The following SFT2D1 variants were observed in gnomAD, a reference collection of about 807,000 sequenced individuals.
SFT2D1 encodes the protein SFT2 domain containing 1, also known as vesicle transport protein SFT2A.
A neutral mutation model predicts 28.1 loss-of-function variants in SFT2D1; 24 were observed. That is an observed-to-expected ratio of 0.85 (90% CI 0.62 to 1.20). SFT2D1 has a LOEUF of 1.20. Among genes scored for constraint, SFT2D1 ranks in the 50% most tolerant of loss-of-function variants. The pLI is 0.00. For missense variants in SFT2D1, 181 were observed against 190.9 expected, an observed-to-expected ratio of 0.95 and a Z score of 0.31; for synonymous variants, 82 against 73.7, an observed-to-expected ratio of 1.11 and a Z score of -0.58.
intron 5 of SFT2D1, 195 bp from the exon 6 acceptor site, chr6:166,324,790 A>G (rs1298356808): frequency 7.1e-6 from 4 of 562,190 alleles, no homozygotes; most frequent in Non-Finnish European, 1.2e-5. Context: ...TTCTAAAACT[A>G]TATCCATTAA....
At chr6:166,323,162 G>A (rs1264631994) in intron 6 of SFT2D1, 2 of 333,534 alleles carry the variant, frequency 6.0e-6, no homozygotes, top group Non-Finnish European at 1.1e-5. Context: ...GCATGCTAAA[G>A]TTTGAGCTTC....
At chr6:166,333,001 A>G (rs1001275703) in intron 1 of SFT2D1, among the ~76,000 whole-genome samples, 1 of 152,232 alleles carries the variant, frequency 6.6e-6, no homozygotes, top group Non-Finnish European at 1.5e-5. Context: ...GCACAGCTGG[A>G]AGGACCTGAG....
At chr6:166,337,156 G>A (rs1411184151) in intron 1 of SFT2D1, among the ~76,000 whole-genome samples, 6 of 152,120 alleles carry the variant, frequency 3.9e-5, no homozygotes, top group Admixed American at 3.3e-4. Context: ...CAGGCCCTTC[G>A]GCCCACCACA....
At chr6:166,342,248 A>C (rs997183186) in intron 1 of SFT2D1, among the ~76,000 whole-genome samples, 171 bp downstream of exon 1, 2 of 152,022 alleles carry the variant, frequency 1.3e-5, no homozygotes, top group African/African-American at 4.8e-5. Context: ...GGAAAACTGG[A>C]AAGTTCTCAA....
intron 1 of SFT2D1, among the ~76,000 whole-genome samples, chr6:166,341,626 A>G (rs922186141): frequency 6.6e-6 from 1 of 152,154 alleles, no homozygotes; most frequent in African/African-American, 2.4e-5. Context: ...GGAGAGACAA[A>G]TAGAAGATCC....
intron 1 of SFT2D1, among the ~76,000 whole-genome samples, chr6:166,330,923 C>T (rs1182544885): frequency 1.3e-5 from 2 of 152,228 alleles, no homozygotes; most frequent in Admixed American, 6.5e-5. Flanking sequence ...AGACGGTACC[C>T]GTTCTAAGCT....
intron 5 of SFT2D1, 113 bp from the exon 6 acceptor site, chr6:166,324,708 T>C: frequency 1.0e-6 from 1 of 961,990 alleles, no homozygotes; most frequent in South Asian, 1.9e-5. Flanking sequence ...CATTTATCTT[T>C]ATTAAATTTT....
rs1329124773 is a variant in SFT2D1, at chr6:166,324,581, T to A, written c.366A>T (p.Gly122=). 2 of 1,612,732 alleles carry A rather than the reference T, an allele frequency of 1.2e-6. No individual in the cohort carries two copies. The highest frequency in any genetic ancestry group is 1.3e-5 in the African/African-American group (1 of 74,914). ...GCAATATGCAGAATAACACAGCCAG[T>A]CCCTTCTTATGCCACTAACAACAGC... ...LCAALWWHKK[G]LAVLFCILQF... Residue 122 remains glycine, a synonymous_variant, in exon 6 of 8, where the codon GGA becomes GGT. Transcript: ENST00000361731.
intron 1 of SFT2D1, chr6:166,335,381 A>T (rs1778627830): frequency 1.7e-6 from 1 of 574,020 alleles, no homozygotes; most frequent in Non-Finnish European, 3.3e-6. Flanking sequence ...CAATTACAAC[A>T]ATCAGCCTTC....
intron 1 of SFT2D1, among the ~76,000 whole-genome samples, chr6:166,341,666 C>T (rs1778784565): frequency 6.6e-6 from 1 of 152,012 alleles, no homozygotes; most frequent in Non-Finnish European, 1.5e-5. Context: ...TTTAAACGTC[C>T]AACTTCTGCG....
chr6:166,322,624 G>A lies in SFT2D1; in HGVS notation c.440+233C>T, dbSNP rs575329525. On this transcript the variant is annotated intron_variant, in intron 7 of 7. Coordinates refer to ENST00000361731, the MANE Select transcript of SFT2D1 (RefSeq NM_145169.3). ...AGGGGAATCTTGAACCCAGGAGGCA[G>A]AGATTACAGTGAGCCGAGATGGTGC... Among the ~76,000 whole-genome samples the A allele has an allele frequency of 2.8e-5, 4 of 141,984 alleles. No homozygotes were observed. In the East Asian group the frequency reaches 8.7e-4, roughly 31 times the overall value. The allele number at this position is 141,984 out of a possible 152,430, so 93.1% of individuals were successfully genotyped here.
rs746052408 is a variant in SFT2D1, at chr6:166,330,166, T to C, written c.145A>G (p.Ile49Val). ...AATATAAAGCCTTAACTCACAAGAATAGAAAAGAAAACGCCACATACGAAG... is the reference window on the plus strand; with the variant it reads ...AATATAAAGCCTTAACTCACAAGAACAGAAAAGAAAACGCCACATACGAAG... ...ICFVCGVFFS[I>V]LGTGLLWLPG... is the part of the protein sequence containing the mutation. Residue 49 changes from isoleucine to valine, a missense_variant, in exon 2 of 8, where the codon ATT becomes GTT. By Grantham distance (29) the Ile-to-Val change is conservative (BLOSUM62 3). Transcript: ENST00000361731. The C allele has an allele frequency of 2.5e-5, 40 of 1,588,802 alleles. No homozygotes were observed. Among genetic ancestry groups the C allele is most frequent in the Non-Finnish European group, 3.2e-5 (38 of 1,171,842 alleles).
At position 166,334,770 on chromosome 6, in the gene SFT2D1, T is replaced by C. The variant is rs1186812510; in HGVS notation, c.64-4523A>G. 6 of 398,364 alleles carry C rather than the reference T, an allele frequency of 1.5e-5. No individual in the cohort carries two copies. In the East Asian group the frequency reaches 2.4e-4, roughly 16 times the overall value. 24.7% of individuals were successfully genotyped at this position (398,364 alleles called of 1,614,324 possible). A position where few individuals can be genotyped will look rare whatever the true frequency, so the allele number is the denominator to read the frequency against. ...ACTCTGGGGCTTTGGGTTTGTCCTG[T>C]ATGCCGCTGTGAAGGAGGTGGATGC... On this transcript the variant is annotated intron_variant, in intron 1 of 7. Transcript: ENST00000361731.
intron 1 of SFT2D1, among the ~76,000 whole-genome samples, chr6:166,341,480 C>T (rs1428297173): frequency 1.3e-5 from 2 of 150,584 alleles, no homozygotes; most frequent in Non-Finnish European, 1.5e-5. Flanking sequence ...TCATTGGCCA[C>T]ATGTGGCTGT....
chr6:166,327,942 T>C (rs1014180185), intron 4 of SFT2D1, among the ~76,000 whole-genome samples: 1 of 151,944 alleles, frequency 6.6e-6, no homozygotes, highest in Non-Finnish European at 1.5e-5. Context: ...GGATTACAGG[T>C]GCATGCCACC....
intron 7 of SFT2D1, among the ~76,000 whole-genome samples, 172 bp from the exon 8 acceptor site, chr6:166,320,428 GA>G (rs1458545261): frequency 6.6e-6 from 1 of 152,130 alleles, no homozygotes; most frequent in East Asian, 1.9e-4. Flanking sequence ...GCTAAGATTT[GA>G]AAACATTTTG....
At chr6:166,331,462 A>T (rs576816075) in intron 1 of SFT2D1, 4 of 152,718 alleles carry the variant, frequency 2.6e-5, no homozygotes, top group African/African-American at 9.6e-5. Context: ...AATGAAACAT[A>T]TATCACTCTT....
chr6:166,329,343 G>A lies in SFT2D1; in HGVS notation c.233+164C>T, dbSNP rs560601282. 3.6e-3 allele frequency among the ~76,000 whole-genome samples: 547 copies of A among 152,266 alleles called. 9 individuals carry two copies. Among genetic ancestry groups the A allele is most frequent in the African/African-American group, 0.012 (513 of 41,560 alleles). On this transcript the variant is annotated intron_variant, in intron 3 of 7. Coordinates refer to ENST00000361731, the MANE Select transcript of SFT2D1 (RefSeq NM_145169.3). ...ACTAATACCGTCTGTTATGGGAGACGGCATACAGCAGCAGTCAATACATAT... is the reference window on the plus strand; with the variant it reads ...ACTAATACCGTCTGTTATGGGAGACAGCATACAGCAGCAGTCAATACATAT...
Position 166,319,759 on chromosome 6 carries a change from T to C in SFT2D1, c.*458A>G, listed in dbSNP as rs1778310516. 1 of 152,180 alleles carries C rather than the reference T, an allele frequency of 6.6e-6. No individual in the cohort carries two copies. Among genetic ancestry groups the C allele is most frequent in the African/African-American group, 2.4e-5 (1 of 41,454 alleles). The allele number at this position is 152,180 out of a possible 1,614,324, so 9.4% of individuals were successfully genotyped here. ...TTCCAAGGATGGGTTTATTTCAAAA[T>C]TGTAAAGATTTATATATTATTTTTA... On this transcript the variant is annotated 3_prime_UTR_variant, in exon 8 of 8. Transcript: ENST00000361731.
Sources: allele counts gnomAD v4.1 joint callset (sites outside exome capture counted in the v4.1 genomes callset), GRCh38; gene constraint gnomAD v4.1.1; transcripts MANE v1.5; gene names NCBI Gene and HGNC (gene_info 2026-07-23, HGNC 2026-07-21).